DNAJC10: variants seen among roughly 807,000 people sequenced by gnomAD.
The protein encoded by DNAJC10 is DnaJ heat shock protein family (Hsp40) member C10.
A neutral mutation model predicts 115.0 loss-of-function variants in DNAJC10; 101 were observed. That is an observed-to-expected ratio of 0.88 (90% CI 0.75 to 1.04). DNAJC10 has a LOEUF of 1.04. Among genes scored for constraint, DNAJC10 ranks in the 50% least tolerant of loss-of-function variants. The pLI, the probability that DNAJC10 is intolerant of heterozygous loss-of-function variation, is 0.00. For synonymous variants in DNAJC10, 307 were observed against 301.5 expected, an observed-to-expected ratio of 1.02 and a Z score of -0.19; for missense variants, 981 against 928.8, an observed-to-expected ratio of 1.06 and a Z score of -0.73.
intron 11 of DNAJC10, among the ~76,000 whole-genome samples, chr2:182,737,313 T>G (rs1021863046): frequency 2.6e-5 from 4 of 152,280 alleles, no homozygotes; most frequent in Admixed American, 1.3e-4. Flanking sequence ...TCTCCCTTAG[T>G]TTTCCCTCTG....
At chr2:182,740,467 T>C in intron 12 of DNAJC10, 79 bp downstream of exon 12, 1 of 1,335,736 alleles carries the variant, frequency 7.5e-7, no homozygotes, top group Non-Finnish European at 1.0e-6. Flanking sequence ...AATTAGCATT[T>C]GTTTTATTCA....
In DNAJC10 at chr2:182,728,722, G is replaced by C. The variant is rs1282347278; in HGVS notation, c.501+64G>C. 6.1e-6 allele frequency: 9 copies of C among 1,479,538 alleles called. No individual in the cohort carries two copies. The East Asian group carries it at 1.6e-4, about 27-fold the overall frequency. 91.7% of individuals were successfully genotyped at this position (1,479,538 alleles called of 1,614,324 possible). A position where few individuals can be genotyped will look rare whatever the true frequency, so the allele number is the denominator to read the frequency against. On this transcript the variant is annotated intron_variant, in intron 6 of 23. Transcript: ENST00000264065. ...TAATTGATCTGCAATTTATATGTTA[G>C]AATTTTTTTTTCTATGAATAGTAAT... is the stretch of plus-strand genomic sequence containing the variant.
intron 11 of DNAJC10, among the ~76,000 whole-genome samples, chr2:182,739,123 TAGC>T (rs1462879834): frequency 6.7e-6 from 1 of 149,570 alleles, no homozygotes; most frequent in African/African-American, 2.4e-5. Context: ...AGCTCTTTGA[TAGC>T]AGGAACTATT....
At chr2:182,763,828 T>TA (rs1291372870) in intron 22 of DNAJC10, among the ~76,000 whole-genome samples, 3 of 152,106 alleles carry the variant, frequency 2.0e-5, no homozygotes, top group African/African-American at 7.2e-5. Flanking sequence ...TGGTCATAGA[T>TA]ACGTTGGGTG....
chr2:182,722,449 G>A (rs981307031), intron 5 of DNAJC10, among the ~76,000 whole-genome samples: 5 of 152,118 alleles, frequency 3.3e-5, no homozygotes, highest in Non-Finnish European at 7.4e-5. Flanking sequence ...TGGCAACTTT[G>A]TGTGAAAATG....
chr2:182,780,157 AG>A lies in DNAJC10; in HGVS notation c.*3026del, dbSNP rs1277191810. On this transcript the variant is annotated 3_prime_UTR_variant, in exon 24 of 24. Transcript: ENST00000264065. ...ACATATACCCAAATTCTTCTAGTGA[AG>A]AAGTTTGTAATATGGTTTGAGTATT... 1 of 152,110 alleles carries A rather than the reference AG, an allele frequency of 6.6e-6. No homozygotes were observed. Among genetic ancestry groups the A allele is most frequent in the African/African-American group, 2.4e-5 (1 of 41,396 alleles). The allele number at this position is 152,110 out of a possible 1,614,324, so 9.4% of individuals were successfully genotyped here. A position where few individuals can be genotyped will look rare whatever the true frequency, so the allele number is the denominator to read the frequency against.
intron 3 of DNAJC10, among the ~76,000 whole-genome samples, chr2:182,718,879 T>G (rs898387086): frequency 1.1e-4 from 16 of 152,262 alleles, no homozygotes; most frequent in Non-Finnish European, 1.9e-4. Flanking sequence ...TTTTGTAATT[T>G]ATTTGATTAT....
At position 182,716,355 on chromosome 2, in the gene DNAJC10, G is replaced by C. The variant is rs1304013663; in HGVS notation, c.-332G>C. 5.2e-5 allele frequency: 8 copies of C among 152,398 alleles called. No homozygotes were observed. The highest frequency in any genetic ancestry group is 1.9e-4 in the African/African-American group (8 of 41,588). 9.4% of individuals were successfully genotyped at this position (152,398 alleles called of 1,614,324 possible). On this transcript the variant is annotated 5_prime_UTR_variant, in exon 1 of 24. Coordinates refer to ENST00000264065, the MANE Select transcript of DNAJC10 (RefSeq NM_018981.4). ...CTGCACCTCACCAATCCCGTGCGCCGCGGCTGGGCCGTCGGAGAGTGCGTG... is the reference window on the plus strand; with the variant it reads ...CTGCACCTCACCAATCCCGTGCGCCCCGGCTGGGCCGTCGGAGAGTGCGTG...
rs917540098 is a variant in DNAJC10 at position 182,782,096 on chromosome 2, C to A, written c.*4964C>A. The A allele has an allele frequency of 2.0e-5, 3 of 152,130 alleles. No individual in the cohort carries two copies. Among genetic ancestry groups the A allele is most frequent in the Non-Finnish European group, 4.4e-5 (3 of 68,008 alleles). 9.4% of individuals were successfully genotyped at this position (152,130 alleles called of 1,614,324 possible). A position where few individuals can be genotyped will look rare whatever the true frequency, so the allele number is the denominator to read the frequency against. On this transcript the variant is annotated 3_prime_UTR_variant, in exon 24 of 24. Coordinates refer to ENST00000264065, the MANE Select transcript of DNAJC10 (RefSeq NM_018981.4). ...ATGGTTTCAGACCTTACATTTAAGT[C>A]TTTAATCTATCAACTTAATTTTTAT...
At chr2:182,721,289 A>G (rs891712660) in intron 4 of DNAJC10, among the ~76,000 whole-genome samples, 5 of 152,138 alleles carry the variant, frequency 3.3e-5, no homozygotes, top group Non-Finnish European at 5.9e-5. Flanking sequence ...GTCTATATCA[A>G]GAGTTAGCAG....
At chr2:182,728,446 A>C in intron 5 of DNAJC10, 130 bp from the exon 6 acceptor site, 1 of 579,940 alleles carries the variant, frequency 1.7e-6, no homozygotes. Flanking sequence ...CATCACACAG[A>C]AAATGAGAAA....
Position 182,731,047 on chromosome 2 carries a change from A to G in DNAJC10, c.745A>G (p.Ile249Val), listed in dbSNP as rs902227509. 3.1e-6 allele frequency: 5 copies of G among 1,612,950 alleles called. No homozygotes were observed. In the Admixed American group the frequency reaches 6.7e-5, roughly 22 times the overall value. The change falls in exon 9 of 24, where the codon ATA (isoleucine) becomes GTA (valine). Residue 249 changes from isoleucine to valine, a missense_variant. Physicochemically the swap from Ile to Val is conservative, Grantham distance 29. Coordinates refer to ENST00000264065, the MANE Select transcript of DNAJC10 (RefSeq NM_018981.4). The part of the protein sequence containing the change: ...ELWTGNFVNS[I>V]QTAFAAGIGW... ...TTTTTAAGGAAATTTTGTCAACTCC[A>G]TACAAACTGCTTTTGCTGCTGGTAT...
rs184073910 is a variant in DNAJC10, at chr2:182,748,677, A to C, written c.1307-2981A>C. Among the ~76,000 whole-genome samples, 2 of 152,064 alleles carry C rather than the reference A, an allele frequency of 1.3e-5. 1 individual carries two copies. Among genetic ancestry groups the C allele is most frequent in the East Asian group, 3.9e-4 (2 of 5,160 alleles). The stretch of plus-strand genomic sequence containing the variant: ...TCAGTTTTGTTGATCCTTTCAAAAA[A>C]CCAGCTCCTCTTTCTGCTAGCTTTT... On this transcript the variant is annotated intron_variant, in intron 14 of 23. Coordinates refer to ENST00000264065, the MANE Select transcript of DNAJC10 (RefSeq NM_018981.4).
chr2:182,766,885 C>G (rs1694426859), intron 22 of DNAJC10, among the ~76,000 whole-genome samples: 1 of 152,014 alleles, frequency 6.6e-6, no homozygotes, highest in African/African-American at 2.4e-5. Context: ...ACGGGGCCAA[C>G]AGATGCAGGT....
chr2:182,773,778 C>A (rs1429861987), intron 22 of DNAJC10, among the ~76,000 whole-genome samples: 1 of 152,174 alleles, frequency 6.6e-6, no homozygotes, highest in East Asian at 1.9e-4. Flanking sequence ...TTCAAACATC[C>A]TTCTTTAGCT....
Position 182,752,091 on chromosome 2 carries a change from C to A in DNAJC10, c.1454C>A (p.Ala485Asp), listed in dbSNP as rs775996716. ...FFAPWCPPCRALLPELRRASN... is the reference protein window; with the variant it reads ...FFAPWCPPCRDLLPELRRASN... ...TCCTAGTGGTGTCCACCATGTCGAG[C>A]TTTACTACCAGAGTTACGAAGAGCA... Residue 485 changes from alanine (A) to aspartate (D), a missense_variant, in exon 16 of 24, where the codon GCT (alanine) becomes GAT (aspartate). Coordinates refer to ENST00000264065, the MANE Select transcript of DNAJC10 (RefSeq NM_018981.4). The A allele has an allele frequency of 1.9e-6, 3 of 1,613,232 alleles. No individual in the cohort carries two copies.
At chr2:182,728,240 G>A (rs1341466970) in intron 5 of DNAJC10, among the ~76,000 whole-genome samples, 1 of 152,072 alleles carries the variant, frequency 6.6e-6, no homozygotes, top group Non-Finnish European at 1.5e-5. Context: ...AGGTTTGGCT[G>A]CTATTTCTTG....
Position 182,786,102 on chromosome 2 carries a change from A to G in DNAJC10, c.*8970A>G, listed in dbSNP as rs568160971. Reference sequence around the variant, plus strand: ...TATTTGTTTTGCTGGAAAATGTTCCATGATACAGTTTTAATAACAGTTTTA... The same window carrying G: ...TATTTGTTTTGCTGGAAAATGTTCCGTGATACAGTTTTAATAACAGTTTTA... On this transcript the variant is annotated 3_prime_UTR_variant, in exon 24 of 24. Transcript: ENST00000264065. 3 of 152,312 alleles carry G rather than the reference A, an allele frequency of 2.0e-5. No individual in the cohort carries two copies. The highest frequency in any genetic ancestry group is 7.2e-5 in the African/African-American group (3 of 41,578). The allele number at this position is 152,312 out of a possible 1,614,324, so 9.4% of individuals were successfully genotyped here.
At chr2:182,733,079 AGATTT>A (rs1324059463) in intron 10 of DNAJC10, among the ~76,000 whole-genome samples, 9 of 152,040 alleles carry the variant, frequency 5.9e-5, no homozygotes. Flanking sequence ...TTATTAGATC[AGATTT>A]ATTAATCATG....
Sources: allele counts gnomAD v4.1 joint callset (sites outside exome capture counted in the v4.1 genomes callset), GRCh38; gene constraint gnomAD v4.1.1; transcripts MANE v1.5; gene names NCBI Gene and HGNC (gene_info 2026-07-23, HGNC 2026-07-21).